The following IARS2 variants were observed in gnomAD, a reference collection of about 807,000 sequenced individuals.
IARS2 encodes isoleucine--tRNA ligase, mitochondrial.
IARS2 carries 56 observed loss-of-function variants against 126.3 expected under a neutral mutation model. The ratio of observed to expected loss-of-function variants is 0.44; its 90% CI spans 0.36 to 0.55. IARS2 has a LOEUF of 0.55. IARS2 is among the 20% of genes least tolerant of loss of function. IARS2 has a pLI of 0.00. For synonymous variants in IARS2, 407 were observed against 441.1 expected (o/e 0.92, Z 0.97); for missense variants, 1,127 against 1,245.9 (o/e 0.90, Z 1.44).
intron 11 of IARS2, among the ~76,000 whole-genome samples, chr1:220,112,114 C>T (rs996422577): frequency 1.5e-5 from 2 of 137,894 alleles, no homozygotes; most frequent in African/African-American, 5.5e-5. Flanking sequence ...TACACCCCTC[C>T]GACCACCTAC....
chr1:220,144,446 C>A, intron 21 of IARS2: 1 of 505,220 alleles, frequency 2.0e-6, no homozygotes, highest in Non-Finnish European at 3.5e-6. Context: ...GTATGGTAAG[C>A]TCAATTTAAA....
chr1:220,131,321 C>T (rs1237019025), intron 14 of IARS2, among the ~76,000 whole-genome samples: 1 of 151,804 alleles, frequency 6.6e-6, no homozygotes, highest in Non-Finnish European at 1.5e-5. Flanking sequence ...GGATTATAGT[C>T]ATGTGCCACC....
At chr1:220,118,042 C>T in intron 12 of IARS2, 1 of 428,718 alleles carries the variant, frequency 2.3e-6, no homozygotes, top group Non-Finnish European at 4.7e-6. Flanking sequence ...AATTCTTAAT[C>T]ATTTGTTAAT....
Position 220,147,609 on chromosome 1 carries a change from T to C in IARS2, c.3013T>C (p.Cys1005Arg). ...GTCTTCAGATACACTGTGTCCTCGA[T>C]GTGCAGAAGTTGTCAGTGGAAAATA... The part of the protein sequence containing the change: ...AESSDTLCPR[C>R]AEVVSGK Residue 1005 changes from cysteine (C) to arginine (R), a missense_variant, in exon 23 of 23, where the codon TGT (cysteine) becomes CGT (arginine). By Grantham distance (180) the Cys-to-Arg change is radical. Transcript: ENST00000366922. 1 of 1,614,158 alleles carries C rather than the reference T, an allele frequency of 6.2e-7. No homozygotes were observed. Among genetic ancestry groups the C allele is most frequent in the South Asian group, 1.1e-5 (1 of 91,082 alleles).
chr1:220,127,983 T>C (rs555390562), intron 14 of IARS2, among the ~76,000 whole-genome samples: 2 of 152,206 alleles, frequency 1.3e-5, no homozygotes, highest in South Asian at 4.1e-4. Context: ...TCATGTGTTA[T>C]ATAATGACAC....
rs753952424 is a variant in IARS2, at chr1:220,105,971, A to G, written c.1147A>G (p.Thr383Ala). Residue 383 changes from threonine to alanine, a missense_variant, in exon 9 of 23, where the codon ACC becomes GCC. Transcript: ENST00000366922. ...ASPLLPANHV[T>A]MAKGTGLVHT... is the part of the protein sequence containing the mutation. ...TCCTCTTTTACCTGCAAATCATGTG[A>G]CCATGGCAAAAGGAACGGGATTGGT... 1.2e-6 allele frequency: 2 copies of G among 1,614,056 alleles called. No homozygotes were observed. The highest frequency in any genetic ancestry group is 1.1e-5 in the South Asian group (1 of 91,076).
At chr1:220,123,363 G>A (rs949630134) in intron 12 of IARS2, among the ~76,000 whole-genome samples, 1 of 152,042 alleles carries the variant, frequency 6.6e-6, no homozygotes, top group African/African-American at 2.4e-5. Flanking sequence ...GTTCTTCAAA[G>A]TACATGATGG....
intron 14 of IARS2, among the ~76,000 whole-genome samples, chr1:220,127,176 A>G (rs1657171074): frequency 6.6e-6 from 1 of 152,234 alleles, no homozygotes; most frequent in South Asian, 2.1e-4. Context: ...AAGTCACTGA[A>G]ATAGTCTGAC....
At chr1:220,110,548 T>A (rs1376698550) in intron 10 of IARS2, among the ~76,000 whole-genome samples, 1 of 152,094 alleles carries the variant, frequency 6.6e-6, no homozygotes, top group Non-Finnish European at 1.5e-5. Flanking sequence ...GCATTTTTAG[T>A]AGAGACGAGG....
At chr1:220,145,081 A>G (rs1026880041) in intron 21 of IARS2, among the ~76,000 whole-genome samples, 3 of 151,314 alleles carry the variant, frequency 2.0e-5, no homozygotes, top group South Asian at 2.1e-4. Context: ...CCAATGATAC[A>G]TGAAAAAAAA....
intron 2 of IARS2, among the ~76,000 whole-genome samples, chr1:220,096,636 T>G (rs1178632684): frequency 6.6e-6 from 1 of 152,224 alleles, no homozygotes; most frequent in African/African-American, 2.4e-5. Flanking sequence ...TACAATCTGT[T>G]CACTCATTTT....
chr1:220,115,856 A>G (rs753178623), intron 12 of IARS2, among the ~76,000 whole-genome samples: 4 of 152,170 alleles, frequency 2.6e-5, no homozygotes, highest in Non-Finnish European at 4.4e-5. Flanking sequence ...TGAATACTAA[A>G]TAATAAATGC....
intron 13 of IARS2, among the ~76,000 whole-genome samples, chr1:220,126,352 C>G (rs1657157291): frequency 6.6e-6 from 1 of 151,896 alleles, no homozygotes; most frequent in African/African-American, 2.4e-5. Context: ...TCATTGAGGG[C>G]CAGGATTGAT....
At chr1:220,096,384 A>T (rs1571841694) in intron 2 of IARS2, among the ~76,000 whole-genome samples, 158 bp downstream of exon 2, 1 of 151,990 alleles carries the variant, frequency 6.6e-6, no homozygotes, top group Admixed American at 6.6e-5. Context: ...AGTACTGCAT[A>T]AAAAAAATTG....
chr1:220,110,397 G>A (rs1252362018), intron 10 of IARS2, among the ~76,000 whole-genome samples: 3 of 151,900 alleles, frequency 2.0e-5, no homozygotes, highest in Non-Finnish European at 2.9e-5. Context: ...ACGGAGTCTC[G>A]CTCTGTCACC....
chr1:220,137,979 A>T lies in IARS2; in HGVS notation c.2111A>T (p.Asn704Ile), dbSNP rs138738853. ...DVLRWWVADS[N>I]VFTEVAIGPS... ...CTTCGCTGGTGGGTAGCTGATTCCA[A>T]TGTCTTCACCGAAGTTGCAATTGGC... Residue 704 changes from asparagine (N) to isoleucine (I), a missense_variant, in exon 17 of 23, where the codon AAT (asparagine) becomes ATT (isoleucine). Asn to Ile is a moderately radical substitution (Grantham distance 149). Coordinates refer to ENST00000366922, the MANE Select transcript of IARS2 (RefSeq NM_018060.4). 23 of 1,614,004 alleles carry T rather than the reference A, an allele frequency of 1.4e-5. No individual in the cohort carries two copies. The South Asian group carries it at 2.3e-4, about 16-fold the overall frequency.
chr1:220,101,678 G>A (rs1300514174), intron 3 of IARS2, among the ~76,000 whole-genome samples: 3 of 149,876 alleles, frequency 2.0e-5, no homozygotes, highest in African/African-American at 7.4e-5. Flanking sequence ...GCCAACCTGG[G>A]CAACAGAGCA....
At chr1:220,118,894 G>T (rs1160380601) in intron 12 of IARS2, among the ~76,000 whole-genome samples, 1 of 152,004 alleles carries the variant, frequency 6.6e-6, no homozygotes, top group Admixed American at 6.6e-5. Flanking sequence ...ATAAATCTAG[G>T]ATTAAACTAA....
intron 14 of IARS2, among the ~76,000 whole-genome samples, chr1:220,127,943 GT>G (rs1301586752): frequency 6.6e-6 from 1 of 152,060 alleles, no homozygotes; most frequent in African/African-American, 2.4e-5. Context: ...AATACTGCAA[GT>G]TTAGGTACTT....
Sources: allele counts gnomAD v4.1 joint callset (sites outside exome capture counted in the v4.1 genomes callset), GRCh38; gene constraint gnomAD v4.1.1; transcripts MANE v1.5; gene names NCBI Gene and HGNC (gene_info 2026-07-23, HGNC 2026-07-21).